RSRC1: variants seen among roughly 807,000 people sequenced by gnomAD.
The protein encoded by RSRC1 is serine/Arginine-related protein 53.
A neutral mutation model predicts 49.1 loss-of-function variants in RSRC1; 39 were observed. The ratio of observed to expected loss-of-function variants is 0.79; its 90% CI spans 0.61 to 1.04. The LOEUF is 1.04. Ranked by LOEUF, RSRC1 falls within the 50% of genes least tolerant of loss-of-function variation. RSRC1 has a pLI of 0.00. For synonymous variants in RSRC1, 143 were observed against 130.8 expected, an observed-to-expected ratio of 1.09 and a Z score of -0.63; for missense variants, 388 against 402.4, an observed-to-expected ratio of 0.96 and a Z score of 0.31.
At chr3:158,203,466 A>G (rs1180133396) in intron 4 of RSRC1, among the ~76,000 whole-genome samples, 2 of 152,180 alleles carry the variant, frequency 1.3e-5, no homozygotes, top group Non-Finnish European at 2.9e-5. Context: ...TTTTTATTTA[A>G]TAATAATATA....
intron 4 of RSRC1, among the ~76,000 whole-genome samples, chr3:158,274,109 T>A (rs1725672154): frequency 6.6e-6 from 1 of 152,210 alleles, no homozygotes; most frequent in South Asian, 2.1e-4. Context: ...GAATTCTGTT[T>A]ATGTATTCTT....
chr3:158,295,340 A>G lies in RSRC1; in HGVS notation c.495-2699A>G, dbSNP rs1187238119. 2.0e-5 allele frequency among the ~76,000 whole-genome samples: 3 copies of G among 152,268 alleles called. No individual in the cohort carries two copies. The East Asian group carries it at 5.8e-4, about 29-fold the overall frequency. On this transcript the variant is annotated intron_variant, in intron 4 of 9. Transcript: ENST00000611884. Reference sequence around the variant, plus strand: ...GGCTGCTGTTGTTACTTTTCATGTAATGTAGCTTTGACAAGATAACAGAGG... The same window carrying G: ...GGCTGCTGTTGTTACTTTTCATGTAGTGTAGCTTTGACAAGATAACAGAGG...
intron 7 of RSRC1, among the ~76,000 whole-genome samples, chr3:158,530,375 T>C (rs997287712): frequency 3.3e-5 from 5 of 151,890 alleles, no homozygotes; most frequent in Non-Finnish European, 4.4e-5. Flanking sequence ...AATACCACCA[T>C]GTCAGAGAGT....
intron 6 of RSRC1, among the ~76,000 whole-genome samples, chr3:158,389,509 A>T (rs1228454814): frequency 6.6e-6 from 1 of 152,250 alleles, no homozygotes; most frequent in African/African-American, 2.4e-5. Flanking sequence ...ATCAGTGCAG[A>T]TTAATACAGT....
At chr3:158,229,171 CAT>C (rs372287115) in intron 4 of RSRC1, among the ~76,000 whole-genome samples, 2,806 of 107,212 alleles carry the variant, frequency 0.026, 327 homozygotes, top group African/African-American at 0.08. Context: ...TGTATATAAA[CAT>C]ATGTGTATGT....
chr3:158,231,571 A>G (rs560263633), intron 4 of RSRC1, among the ~76,000 whole-genome samples: 1 of 152,248 alleles, frequency 6.6e-6, no homozygotes, highest in Non-Finnish European at 1.5e-5. Flanking sequence ...TGTGGCCATG[A>G]TGCTGCTCTT....
intron 6 of RSRC1, among the ~76,000 whole-genome samples, chr3:158,359,690 C>A (rs1375845394): frequency 6.6e-6 from 1 of 152,134 alleles, no homozygotes; most frequent in Admixed American, 6.5e-5. Context: ...TCTGAGCTCC[C>A]CCAAAGCACC....
chr3:158,541,160 C>T (rs928483677), intron 8 of RSRC1, among the ~76,000 whole-genome samples: 8 of 152,132 alleles, frequency 5.3e-5, no homozygotes, highest in African/African-American at 1.9e-4. Flanking sequence ...GCCCTTCTCT[C>T]TCAGGATCTT....
chr3:158,361,321 C>T (rs925438523), intron 6 of RSRC1, among the ~76,000 whole-genome samples: 1 of 152,198 alleles, frequency 6.6e-6, no homozygotes, highest in African/African-American at 2.4e-5. Flanking sequence ...GGCCTCAGCT[C>T]CTGCACCCTC....
At chr3:158,531,765 A>G (rs965342533) in intron 7 of RSRC1, among the ~76,000 whole-genome samples, 1 of 151,972 alleles carries the variant, frequency 6.6e-6, no homozygotes, top group South Asian at 2.1e-4. Flanking sequence ...TGTGTTTTAA[A>G]AGAAACATTT....
intron 6 of RSRC1, among the ~76,000 whole-genome samples, chr3:158,427,455 T>C (rs1735511491): frequency 6.6e-6 from 1 of 151,710 alleles, no homozygotes; most frequent in Admixed American, 6.6e-5. Context: ...TACATAAAAA[T>C]AATCCTAAAG....
At chr3:158,284,764 T>A (rs2108084796) in intron 4 of RSRC1, among the ~76,000 whole-genome samples, 1 of 152,072 alleles carries the variant, frequency 6.6e-6, no homozygotes, top group East Asian at 1.9e-4. Flanking sequence ...TGTGAATTTG[T>A]TTGAGTTCAT....
chr3:158,202,622 C>G (rs575641594), intron 3 of RSRC1, among the ~76,000 whole-genome samples: 4 of 126,174 alleles, frequency 3.2e-5, no homozygotes, highest in African/African-American at 9.6e-5. Context: ...ATAATTACTT[C>G]TTAGTATTTT....
intron 5 of RSRC1, among the ~76,000 whole-genome samples, chr3:158,336,116 A>G (rs1357798422): frequency 3.9e-5 from 6 of 152,114 alleles, no homozygotes; most frequent in African/African-American, 1.4e-4. Context: ...CATTTTGCCT[A>G]CTCACTTGTC....
intron 7 of RSRC1, among the ~76,000 whole-genome samples, chr3:158,490,057 C>A (rs1739002723): frequency 6.6e-6 from 1 of 151,926 alleles, no homozygotes; most frequent in Non-Finnish European, 1.5e-5. Context: ...CTATGAAAAC[C>A]TCTTTCTTTA....
At chr3:158,516,691 C>T (rs957022135) in intron 7 of RSRC1, among the ~76,000 whole-genome samples, 2 of 152,226 alleles carry the variant, frequency 1.3e-5, no homozygotes, top group South Asian at 2.1e-4. Context: ...GCCCCTTCCC[C>T]AGCCTCGTTG....
intron 7 of RSRC1, among the ~76,000 whole-genome samples, chr3:158,500,202 C>G (rs1471876569): frequency 6.6e-6 from 1 of 152,074 alleles, no homozygotes; most frequent in Non-Finnish European, 1.5e-5. Context: ...TCCCTGCATC[C>G]CTCATATGAA....
intron 7 of RSRC1, among the ~76,000 whole-genome samples, chr3:158,514,428 T>C (rs546830497): frequency 6.6e-6 from 1 of 152,350 alleles, no homozygotes; most frequent in South Asian, 2.1e-4. Flanking sequence ...TGAGCGGTTT[T>C]GAGTGAGATT....
At chr3:158,494,547 T>A (rs1739224749) in intron 7 of RSRC1, among the ~76,000 whole-genome samples, 1 of 152,210 alleles carries the variant, frequency 6.6e-6, no homozygotes, top group Admixed American at 6.5e-5. Context: ...TTACTGTAAC[T>A]TTTTTACTTT....
Sources: allele counts gnomAD v4.1 joint callset (sites outside exome capture counted in the v4.1 genomes callset), GRCh38; gene constraint gnomAD v4.1.1; transcripts MANE v1.5; gene names NCBI Gene and HGNC (gene_info 2026-07-23, HGNC 2026-07-21).